The following ZSCAN5C variants were observed in gnomAD, a reference collection of about 807,000 sequenced individuals.
ZSCAN5C encodes zinc finger and SCAN domain containing 5C.
In ZSCAN5C, 11 loss-of-function variants were observed where a neutral mutation model predicts 17.3. The ratio of observed to expected loss-of-function variants is 0.64; its 90% confidence interval spans 0.40 to 1.06. The LOEUF is 1.06. Among genes scored for constraint, ZSCAN5C ranks in the 50% least tolerant of loss-of-function variants. The pLI is 0.00. For synonymous variants in ZSCAN5C, 229 were observed against 208.4 expected (o/e 1.10, Z -0.85); for missense variants, 698 against 538.9 (o/e 1.30, Z -2.92).
chr19:56,207,017 A>G (rs1235493464), intron 2 of ZSCAN5C, 42 bp from the exon 3 acceptor site: 4 of 689,328 alleles, frequency 5.8e-6, no homozygotes, highest in Non-Finnish European at 1.1e-5. Flanking sequence ...AGCTACTTTC[A>G]GGTTCTCATA....
chr19:56,204,851 C>T (rs2146337939), intron 1 of ZSCAN5C, among the ~76,000 whole-genome samples: 1 of 152,082 alleles, frequency 6.6e-6, no homozygotes, highest in East Asian at 1.9e-4. Context: ...GTTCTCATAG[C>T]TGTTGAACTT....
At chr19:56,205,791 C>T (rs987038584) in exon 2 of ZSCAN5C, 1 of 588,154 alleles carries the variant, frequency 1.7e-6, no homozygotes, top group Non-Finnish European at 3.0e-6. Flanking sequence ...CTGCAGACTT[C>T]TGAATGAACA....
chr19:56,209,094 A>C, exon 5 of ZSCAN5C: 1 of 1,591,096 alleles, frequency 6.3e-7, no homozygotes, highest in African/African-American at 1.4e-5. Context: ...CAGCGCATCC[A>C]CTCTGGAGAG....
In ZSCAN5C at chr19:56,208,818, AG is replaced by A; in HGVS notation, c.1110del (p.Lys370AsnfsTer2). The A allele has an allele frequency of 6.4e-7, 1 of 1,562,114 alleles. No individual in the cohort carries two copies. Among genetic ancestry groups the A allele is most frequent in the Non-Finnish European group, 8.8e-7 (1 of 1,135,436 alleles). Reference sequence around the variant, plus strand: ...GGCAAGAGGTTTAAGTATCGCGGCAAGTTAGCCGTCCACACGAGATCACACA... The same window carrying A: ...GGCAAGAGGTTTAAGTATCGCGGCAATTAGCCGTCCACACGAGATCACACA... On this transcript the variant is annotated frameshift_variant, in exon 5 of 5. Transcript: ENST00000534327. LOFTEE classifies it low-confidence loss of function (END_TRUNC).
chr19:56,206,646 G>C (rs1382101645), intron 2 of ZSCAN5C, among the ~76,000 whole-genome samples: 1 of 151,776 alleles, frequency 6.6e-6, no homozygotes, highest in African/African-American at 2.4e-5. Context: ...CAACATGAAA[G>C]AAAGACATTG....
At chr19:56,208,909 A>G (rs1290091040) in exon 5 of ZSCAN5C, 6 of 1,611,518 alleles carry the variant, frequency 3.7e-6, no homozygotes, top group East Asian at 4.5e-5. Flanking sequence ...TAGGCCTGCA[A>G]TTTCACCAGC....
Position 56,205,989 on chromosome 19 carries a change from A to G in ZSCAN5C, c.76A>G (p.Met26Val), listed in dbSNP as rs766819474. 3.8e-6 allele frequency: 6 copies of G among 1,588,206 alleles called. No homozygotes were observed. The Admixed American group carries it at 5.0e-5, about 13-fold the overall frequency. Residue 26 changes from methionine to valine, a missense_variant, in exon 2 of 5, where the codon ATG (methionine) becomes GTG (valine). Met to Val is a conservative substitution (Grantham distance 21). Transcript: ENST00000534327. ...CCCTGGGTCAGAGCCACCACAGTCC[A>G]TGCCATCCCCAGCAACTCAACTTGG...
chr19:56,203,640 ATTTTT>A (rs564406569), intron 1 of ZSCAN5C, among the ~76,000 whole-genome samples: 2 of 86,834 alleles, frequency 2.3e-5, no homozygotes. Context: ...TCTACTGGGA[ATTTTT>A]TTTTTTTTTT....
At chr19:56,205,389 G>A (rs2032909769) in intron 1 of ZSCAN5C, among the ~76,000 whole-genome samples, 1 of 151,796 alleles carries the variant, frequency 6.6e-6, no homozygotes, top group South Asian at 2.1e-4. Flanking sequence ...ATTTTTATTT[G>A]TCTTATTGCA....
rs774979567 is a variant in ZSCAN5C, at chr19:56,207,989, C to A, written c.589-45C>A. ...AGGAAAAAGCAGACATGTCCTTCCACCGGTTTAGGCATGGCAGTCATTGCT... is the reference window on the plus strand; with the variant it reads ...AGGAAAAAGCAGACATGTCCTTCCAACGGTTTAGGCATGGCAGTCATTGCT... On this transcript the variant is annotated intron_variant, in intron 3 of 4. Transcript: ENST00000534327. The A allele has an allele frequency of 4.4e-6, 3 of 687,890 alleles. No homozygotes were observed. The South Asian group carries it at 4.6e-5, about 11-fold the overall frequency. 42.6% of individuals were successfully genotyped at this position (687,890 alleles called of 1,614,324 possible).
intron 1 of ZSCAN5C, among the ~76,000 whole-genome samples, chr19:56,202,634 G>C (rs949677558): frequency 1.3e-5 from 2 of 151,842 alleles, no homozygotes; most frequent in African/African-American, 4.9e-5. Context: ...GCCCAGACTA[G>C]ACTGGAATTC....
downstream of ZSCAN5C, chr19:56,209,345 T>A (rs1006805363): frequency 1.2e-5 from 6 of 495,642 alleles, no homozygotes; most frequent in Admixed American, 3.7e-5. Flanking sequence ...TTTGTTTAAA[T>A]CTTTTTCCTC....
At chr19:56,205,685 T>C (rs908994590) in intron 1 of ZSCAN5C, 102 bp from the exon 2 acceptor site, 3 of 520,276 alleles carry the variant, frequency 5.8e-6, no homozygotes. Context: ...CTGAGTCCAA[T>C]GCTAGAGGGG....
intron 1 of ZSCAN5C, among the ~76,000 whole-genome samples, chr19:56,204,683 T>C (rs2032903063): frequency 6.6e-6 from 1 of 151,868 alleles, no homozygotes; most frequent in Non-Finnish European, 1.5e-5. Context: ...CCTGGCTGTC[T>C]CTCTGTTCTG....
intron 3 of ZSCAN5C, among the ~76,000 whole-genome samples, chr19:56,207,819 G>C (rs1375805400): frequency 6.6e-6 from 1 of 151,844 alleles, no homozygotes; most frequent in Non-Finnish European, 1.5e-5. Context: ...AGTGGTGCCA[G>C]GGGTTAGGGG....
intron 1 of ZSCAN5C, among the ~76,000 whole-genome samples, chr19:56,204,649 T>A (rs1346638394): frequency 6.6e-6 from 1 of 151,878 alleles, no homozygotes; most frequent in Non-Finnish European, 1.5e-5. Flanking sequence ...CTCTGGGTTG[T>A]CTCCCGCCTC....
rs190939782 is a variant in ZSCAN5C at position 56,205,483 on chromosome 19, G to A, written c.-127-304G>A. ...ACATGATTGTTATATCAGATTTTAG[G>A]CGCTTCACATTCCTGTCCTATTTTA... On this transcript the variant is annotated intron_variant, in intron 1 of 4. Transcript: ENST00000534327. 1.1e-3 allele frequency among the ~76,000 whole-genome samples: 161 copies of A among 151,978 alleles called. 2 individuals carry two copies. Among genetic ancestry groups the A allele is most frequent in the African/African-American group, 3.8e-3 (155 of 41,280 alleles).
chr19:56,204,524 C>T (rs2032901314), intron 1 of ZSCAN5C, among the ~76,000 whole-genome samples: 1 of 151,704 alleles, frequency 6.6e-6, no homozygotes, highest in South Asian at 2.1e-4. Context: ...GAGATGTCCA[C>T]ACGGGCGCCT....
rs752907379 is a variant in ZSCAN5C at position 56,208,155 on chromosome 19, C to T, written c.710C>T (p.Ser237Phe). The change falls in exon 4 of 5, where the codon TCC becomes TTC. Residue 237 changes from serine (S) to phenylalanine (F), a missense_variant. Ser to Phe is a radical substitution (Grantham distance 155, BLOSUM62 -2). Around this residue, in one of 3 missense-constraint regions of ZSCAN5C, gnomAD observed 554 missense variants for 390.5 expected, o/e 1.42. Transcript: ENST00000534327. Reference sequence around the variant, plus strand: ...AGGGAGGAGAACCCAGGACTTACATCCCCAGAGCCTCAGCTTCCAAACAGT... The same window carrying T: ...AGGGAGGAGAACCCAGGACTTACATTCCCAGAGCCTCAGCTTCCAAACAGT... 3 of 779,810 alleles carry T rather than the reference C, an allele frequency of 3.8e-6. No individual in the cohort carries two copies. The South Asian group carries it at 4.0e-5, about 10-fold the overall frequency. 48.3% of individuals were successfully genotyped at this position (779,810 alleles called of 1,614,324 possible). A position where few individuals can be genotyped will look rare whatever the true frequency, so the allele number is the denominator to read the frequency against.
Sources: gnomAD v4.1 joint callset for allele counts (sites outside exome capture counted in the v4.1 genomes callset) on GRCh38, gnomAD v4.1.1 for gene constraint, gnomAD v4.1.1 regional missense constraint, MANE v1.5 for transcripts, NCBI Gene and HGNC (gene_info 2026-07-23, HGNC 2026-07-21) for gene names.